Variants in ITGBL1 observed in about 807,000 individuals in gnomAD.
ITGBL1 encodes integrin subunit beta like 1.
A neutral mutation model predicts 68.5 loss-of-function variants in ITGBL1; 51 were observed. That is an observed-to-expected ratio of 0.74 (90% CI 0.59 to 0.94). The LOEUF is 0.94. Among genes scored for constraint, ITGBL1 ranks in the 40% least tolerant of loss-of-function variants. The probability of loss-of-function intolerance (pLI) is 0.00; values close to 1 mark genes in which losing one functional copy is unlikely to be tolerated. For synonymous variants in ITGBL1, 209 were observed against 227.3 expected, an observed-to-expected ratio of 0.92 and a Z score of 0.72; for missense variants, 649 against 647.4, an observed-to-expected ratio of 1.00 and a Z score of -0.03.
At chr13:101,600,486 T>C (rs1345208398) in intron 7 of ITGBL1, among the ~76,000 whole-genome samples, 3 of 151,910 alleles carry the variant, frequency 2.0e-5, no homozygotes, top group Non-Finnish European at 4.4e-5. Context: ...TGAATAGGAG[T>C]GGTGAGAGAG....
chr13:101,711,050 A>G (rs547829769), intron 9 of ITGBL1: 1 of 152,156 alleles, frequency 6.6e-6, no homozygotes, highest in Non-Finnish European at 1.5e-5. Flanking sequence ...CTTAGACTCA[A>G]ATTGTTTTTG....
intron 7 of ITGBL1, among the ~76,000 whole-genome samples, chr13:101,655,562 C>T (rs1441545987): frequency 6.6e-6 from 1 of 152,156 alleles, no homozygotes; most frequent in Non-Finnish European, 1.5e-5. Flanking sequence ...GTTTCCCTCT[C>T]CTATGCTTTC....
intron 2 of ITGBL1, among the ~76,000 whole-genome samples, chr13:101,520,325 C>T (rs148138065): frequency 7.2e-4 from 110 of 152,260 alleles, no homozygotes; most frequent in African/African-American, 2.0e-3. Context: ...TTTTTTGCAT[C>T]TCTTTTTTTA....
intron 8 of ITGBL1, among the ~76,000 whole-genome samples, chr13:101,700,411 C>T (rs9518497): frequency 0.25 from 37,801 of 152,054 alleles, 4,967 homozygotes; most frequent in Admixed American, 0.32. Context: ...TCTGTGTTTC[C>T]ACTGCCACCA....
At chr13:101,687,504 T>C (rs1190149390) in intron 7 of ITGBL1, among the ~76,000 whole-genome samples, 2 of 152,076 alleles carry the variant, frequency 1.3e-5, no homozygotes, top group Non-Finnish European at 2.9e-5. Flanking sequence ...GTCTATATTT[T>C]ACACAAGTTC....
intron 2 of ITGBL1, among the ~76,000 whole-genome samples, chr13:101,540,728 A>C (rs188106252): frequency 6.9e-4 from 105 of 151,960 alleles, no homozygotes; most frequent in African/African-American, 2.1e-3. Flanking sequence ...CTTTTATTTC[A>C]TTGAGCAGTG....
chr13:101,524,823 A>T (rs1042792308), intron 2 of ITGBL1, among the ~76,000 whole-genome samples: 1 of 151,972 alleles, frequency 6.6e-6, no homozygotes. Flanking sequence ...GTAATTTTGC[A>T]TTTGTTTGTG....
chr13:101,717,144 G>A (rs1200344415), downstream of ITGBL1: 2 of 151,960 alleles, frequency 1.3e-5, no homozygotes, highest in Non-Finnish European at 2.9e-5. Flanking sequence ...AAATATTCTA[G>A]TCATGGCTTA....
At chr13:101,488,837 CA>C (rs908081372) in intron 2 of ITGBL1, among the ~76,000 whole-genome samples, 4 of 151,342 alleles carry the variant, frequency 2.6e-5, no homozygotes, top group African/African-American at 7.3e-5. Flanking sequence ...TCCCAGTTCT[CA>C]AAAAAAAGGG....
chr13:101,528,800 T>G (rs2139153935), intron 2 of ITGBL1, among the ~76,000 whole-genome samples: 1 of 152,104 alleles, frequency 6.6e-6, no homozygotes, highest in Admixed American at 6.6e-5. Flanking sequence ...AGTAATTTTC[T>G]ATAAAAATAA....
intron 6 of ITGBL1, among the ~76,000 whole-genome samples, chr13:101,584,209 T>C (rs556826007): frequency 4.3e-4 from 65 of 152,240 alleles, no homozygotes; most frequent in Admixed American, 6.5e-4. Context: ...TAGGAGCCAG[T>C]AGGGGACAGG....
intron 2 of ITGBL1, among the ~76,000 whole-genome samples, chr13:101,481,085 C>CACACGCATGT (rs71121196): frequency 1.3e-5 from 2 of 149,086 alleles, no homozygotes; most frequent in African/African-American, 4.9e-5. Flanking sequence ...TATATACACA[C>CACACGCATGT]ATATATATAC....
chr13:101,590,521 G>A (rs1054357547), intron 6 of ITGBL1, among the ~76,000 whole-genome samples: 2 of 152,124 alleles, frequency 1.3e-5, no homozygotes, highest in Non-Finnish European at 2.9e-5. Context: ...TCGGCTAGAT[G>A]TATTGTTCTA....
At chr13:101,608,570 C>A (rs2139361517) in intron 7 of ITGBL1, among the ~76,000 whole-genome samples, 1 of 152,078 alleles carries the variant, frequency 6.6e-6, no homozygotes, top group South Asian at 2.1e-4. Flanking sequence ...TTTTAAAATC[C>A]TTTGTGGCTT....
At chr13:101,653,145 GGGA>G (rs368569185) in intron 7 of ITGBL1, among the ~76,000 whole-genome samples, 2 of 150,480 alleles carry the variant, frequency 1.3e-5, no homozygotes, top group African/African-American at 4.9e-5. Context: ...AAGGGGGAGG[GGGA>G]GGAGGAGGAG....
intron 2 of ITGBL1, among the ~76,000 whole-genome samples, chr13:101,498,592 G>T (rs933433432): frequency 7.9e-5 from 12 of 152,132 alleles, no homozygotes; most frequent in African/African-American, 2.7e-4. Context: ...AGAAAAAATA[G>T]GAAGAGGTTA....
intron 7 of ITGBL1, among the ~76,000 whole-genome samples, chr13:101,645,362 C>T (rs1308037500): frequency 6.6e-6 from 1 of 152,076 alleles, no homozygotes; most frequent in Non-Finnish European, 1.5e-5. Flanking sequence ...TTTCAGGAGC[C>T]CACTCAGTGG....
chr13:101,453,814 A>G (rs1002491112), intron 1 of ITGBL1, 69 bp from the exon 2 acceptor site: 78 of 1,062,346 alleles, frequency 7.3e-5, no homozygotes, highest in Middle Eastern at 7.0e-4. Context: ...TGGGGAGGAA[A>G]CGTGGGTTCG....
At position 101,498,718 on chromosome 13, in the gene ITGBL1, T is replaced by C. The variant is rs150730236; in HGVS notation, c.316+44618T>C. Among the ~76,000 whole-genome samples, 609 of 152,276 alleles carry C rather than the reference T, an allele frequency of 4.0e-3. 3 individuals are homozygous for C. Among genetic ancestry groups the C allele is most frequent in the Middle Eastern group, 0.024 (7 of 294 alleles). On this transcript the variant is annotated intron_variant, in intron 2 of 10. Coordinates refer to ENST00000376180, the MANE Select transcript of ITGBL1 (RefSeq NM_004791.3). ...CTCAGCTTAAACCTCCAGTCCTTTC[T>C]CCTAGAGCCTAATAGCATGAACGGC...
Sources: allele counts gnomAD v4.1 joint callset (sites outside exome capture counted in the v4.1 genomes callset), GRCh38; gene constraint gnomAD v4.1.1; transcripts MANE v1.5; gene names NCBI Gene and HGNC (gene_info 2026-07-23, HGNC 2026-07-21).